The following KAT6B variants were observed in gnomAD, a reference collection of about 807,000 sequenced individuals.
The protein encoded by KAT6B is histone acetyltransferase KAT6B.
A neutral mutation model predicts 187.5 loss-of-function variants in KAT6B; 10 were observed. The ratio of observed to expected loss-of-function variants is 0.05; its 90% CI spans 0.03 to 0.09. KAT6B has a LOEUF of 0.09. KAT6B is among the 10% of genes least tolerant of loss of function. The pLI is 1.00. For missense variants in KAT6B, 1,952 were observed against 2,558.9 expected (o/e 0.76, Z 5.12); for synonymous variants, 861 against 926.8 (o/e 0.93, Z 1.29).
In KAT6B at chr10:74,959,755, A is replaced by G. The variant is rs146450892; in HGVS notation, c.622-215A>G. 1.9e-3 allele frequency among the ~76,000 whole-genome samples: 284 copies of G among 152,390 alleles called. 7 individuals carry two copies. The East Asian group carries it at 0.044, about 24-fold the overall frequency. ...CAATGAGCCGAGATTGTGCCACTGC[A>G]CTACAACCTGGCGACAGAGCGAGAC... On this transcript the variant is annotated intron_variant, in intron 3 of 17. Coordinates refer to ENST00000287239, the MANE Select transcript of KAT6B (RefSeq NM_012330.4).
chr10:74,838,808 AT>A (rs1428105833), intron 2 of KAT6B, 56 bp downstream of exon 2: 1 of 152,194 alleles, frequency 6.6e-6, no homozygotes, highest in African/African-American at 2.4e-5. Flanking sequence ...TCTTATTGAA[AT>A]GTGTTGGTAA....
chr10:75,030,558 A>G lies in KAT6B; in HGVS notation c.5734A>G (p.Arg1912Gly). Reference protein sequence around the residue: ...ASNIGISHSQRLQTQIASKGH... With the variant: ...ASNIGISHSQGLQTQIASKGH... ...AAATATTGGCATCTCTCACAGCCAA[A>G]GACTGCAAACCCAGATTGCCAGCAA... The change falls in exon 18 of 18, where the codon AGA becomes GGA. Residue 1912 changes from arginine (R) to glycine (G), a missense_variant. Physicochemically the swap from Arg to Gly is moderately radical, Grantham distance 125. Transcript: ENST00000287239. The surrounding 1 kb of genome is among the most constrained non-coding windows in gnomAD (Gnocchi z 4.8). 1 of 1,608,480 alleles carries G rather than the reference A, an allele frequency of 6.2e-7. No individual in the cohort carries two copies. Among genetic ancestry groups the G allele is most frequent in the Non-Finnish European group, 8.5e-7 (1 of 1,175,494 alleles).
intron 3 of KAT6B, among the ~76,000 whole-genome samples, chr10:74,940,417 A>G (rs1360060186): frequency 1.3e-5 from 2 of 151,596 alleles, no homozygotes; most frequent in East Asian, 1.9e-4. Flanking sequence ...CTGGGACTAC[A>G]GGCACGTGCC....
intron 3 of KAT6B, among the ~76,000 whole-genome samples, chr10:74,868,641 G>C (rs1422263715): frequency 6.6e-6 from 1 of 152,136 alleles, no homozygotes; most frequent in Admixed American, 6.6e-5. Flanking sequence ...TTAGTCACCT[G>C]TTGGGCCCTA....
chr10:74,995,050 C>T (rs1029681438), intron 13 of KAT6B, among the ~76,000 whole-genome samples: 4 of 152,186 alleles, frequency 2.6e-5, no homozygotes, highest in Non-Finnish European at 5.9e-5. Context: ...GTCTTTCCCT[C>T]TTCCCATGTA....
At chr10:74,903,186 G>T (rs1483073573) in intron 3 of KAT6B, among the ~76,000 whole-genome samples, 2 of 152,278 alleles carry the variant, frequency 1.3e-5, no homozygotes, top group South Asian at 4.1e-4. Flanking sequence ...TCATTACCTT[G>T]TCGGATTGCC....
Position 75,029,935 on chromosome 10 carries a change from G to T in KAT6B, c.5111G>T (p.Cys1704Phe), listed in dbSNP as rs759678903. 1 of 1,614,208 alleles carries T rather than the reference G, an allele frequency of 6.2e-7. No homozygotes were observed. Among genetic ancestry groups the T allele is most frequent in the Non-Finnish European group, 8.5e-7 (1 of 1,180,038 alleles). The change falls in exon 18 of 18, where the codon TGC becomes TTC. Residue 1704 changes from cysteine (C) to phenylalanine (F), a missense_variant. Cys to Phe is a radical substitution (Grantham distance 205, BLOSUM62 -2). Transcript: ENST00000287239. The surrounding 1 kb of genome is among the most constrained non-coding windows in gnomAD (Gnocchi z 6.2). ...ICGNGSSQNSCSYSNLTSSSL... is the reference protein window; with the variant it reads ...ICGNGSSQNSFSYSNLTSSSL... ...GGAAACGGCTCTTCACAGAACAGCTGCTCCTATAGCAACCTCACCTCCAGC... is the reference window on the plus strand; with the variant it reads ...GGAAACGGCTCTTCACAGAACAGCTTCTCCTATAGCAACCTCACCTCCAGC...
intron 13 of KAT6B, among the ~76,000 whole-genome samples, chr10:74,999,373 G>C (rs1231966506): frequency 6.6e-6 from 1 of 152,212 alleles, no homozygotes; most frequent in Admixed American, 6.5e-5. Flanking sequence ...GGGAGCAGCT[G>C]GGAGTCGTGG....
intron 3 of KAT6B, among the ~76,000 whole-genome samples, chr10:74,905,921 G>A (rs1846727318): frequency 6.6e-6 from 1 of 152,092 alleles, no homozygotes; most frequent in African/African-American, 2.4e-5. Flanking sequence ...AAAAGTGTAT[G>A]CTGTTGTTGC....
intron 3 of KAT6B, among the ~76,000 whole-genome samples, chr10:74,848,957 G>A (rs1033518364): frequency 2.6e-5 from 4 of 152,104 alleles, no homozygotes; most frequent in Non-Finnish European, 5.9e-5. Context: ...TTCAGAAATG[G>A]AGTGATCTCA....
intron 3 of KAT6B, among the ~76,000 whole-genome samples, chr10:74,909,390 A>T (rs916140117): frequency 6.6e-6 from 1 of 152,190 alleles, no homozygotes; most frequent in South Asian, 2.1e-4. Context: ...AAATAAATAT[A>T]ATGTAAGGCA....
intron 4 of KAT6B, 52 bp downstream of exon 4, chr10:74,960,130 T>A: frequency 1.9e-6 from 2 of 1,077,498 alleles, no homozygotes; most frequent in Non-Finnish European, 2.9e-6. Context: ...TTATCATAGC[T>A]TCATGCTATT....
At chr10:74,861,508 G>A (rs1046877834) in intron 3 of KAT6B, among the ~76,000 whole-genome samples, 1 of 152,094 alleles carries the variant, frequency 6.6e-6, no homozygotes, top group African/African-American at 2.4e-5. Context: ...TTCATTCTTC[G>A]TTTACAAAGG....
At chr10:74,916,983 C>T (rs1349623800) in intron 3 of KAT6B, among the ~76,000 whole-genome samples, 1 of 152,088 alleles carries the variant, frequency 6.6e-6, no homozygotes, top group African/African-American at 2.4e-5. Flanking sequence ...TGCACACCTG[C>T]AGTCCCAGGT....
At chr10:74,830,769 T>TATATATGTATATATATATATA (rs58702000) in intron 1 of KAT6B, among the ~76,000 whole-genome samples, 1 of 7,736 alleles carries the variant, frequency 1.3e-4, no homozygotes, top group Admixed American at 2.9e-3. Context: ...TATATATATA[T>TATATATGTATATATATATATA]TTTTTTTTTT....
At position 74,972,599 on chromosome 10, in the gene KAT6B, C is replaced by G. The variant is rs762919901; in HGVS notation, c.1021C>G (p.Pro341Ala). The G allele has an allele frequency of 6.2e-7, 1 of 1,613,236 alleles. No homozygotes were observed. Among genetic ancestry groups the G allele is most frequent in the Non-Finnish European group, 8.5e-7 (1 of 1,179,448 alleles). The change falls in exon 7 of 18, where the codon CCC becomes GCC. Residue 341 changes from proline to alanine, a missense_variant. Physicochemically the swap from Pro to Ala is conservative, Grantham distance 27. Coordinates refer to ENST00000287239, the MANE Select transcript of KAT6B (RefSeq NM_012330.4). ...ACAAATAAAACGACGATATGCAAAA[C>G]CCATTGGACGACCGAAAAATAAATT... ...AAQIKRRYAKPIGRPKNKLKQ... is the reference protein window; with the variant it reads ...AAQIKRRYAKAIGRPKNKLKQ...
At chr10:74,894,206 C>T (rs548710012) in intron 3 of KAT6B, among the ~76,000 whole-genome samples, 7 of 152,238 alleles carry the variant, frequency 4.6e-5, no homozygotes, top group Admixed American at 4.6e-4. Flanking sequence ...CTCAGCCTCC[C>T]AAGTAGCTGG....
intron 3 of KAT6B, among the ~76,000 whole-genome samples, chr10:74,900,309 A>G (rs1846288422): frequency 6.6e-6 from 1 of 152,258 alleles, no homozygotes; most frequent in African/African-American, 2.4e-5. Context: ...AGACTTAGCT[A>G]GAGACACCTA....
At chr10:74,889,654 A>AGG (rs1845520738) in intron 3 of KAT6B, among the ~76,000 whole-genome samples, 3 of 152,242 alleles carry the variant, frequency 2.0e-5, no homozygotes, top group Admixed American at 2.0e-4. Flanking sequence ...AGCCTTATCC[A>AGG]ATGTCATTGA....
Sources: gnomAD v4.1 joint callset for allele counts (sites outside exome capture counted in the v4.1 genomes callset) on GRCh38, gnomAD v4.1.1 for gene constraint, Gnocchi (gnomAD v3.1) non-coding constraint, MANE v1.5 for transcripts, NCBI Gene and HGNC (gene_info 2026-07-23, HGNC 2026-07-21) for gene names.